Variants in PCDH7 observed in about 807,000 individuals in gnomAD.
PCDH7 encodes protocadherin 7, also known as protocadherin-7.
A neutral mutation model predicts 58.9 loss-of-function variants in PCDH7; 17 were observed. The observed-to-expected ratio is 0.29, with a 90% CI of 0.20 to 0.43. PCDH7 has a LOEUF of 0.43. Among genes scored for constraint, PCDH7 ranks in the 20% least tolerant of loss-of-function variants. The pLI is 1.00. For missense variants in PCDH7, 1,274 were observed against 1,441.0 expected, an observed-to-expected ratio of 0.88 and a Z score of 1.88; for synonymous variants, 664 against 616.4, an observed-to-expected ratio of 1.08 and a Z score of -1.14.
intron 1 of PCDH7, among the ~76,000 whole-genome samples, chr4:30,855,274 T>G (rs1324634688): frequency 1.3e-5 from 2 of 152,150 alleles, no homozygotes; most frequent in African/African-American, 2.4e-5. Flanking sequence ...TGATTTGTCA[T>G]GATCAGAACA....
At chr4:31,005,209 G>T (rs537810832) in intron 3 of PCDH7, among the ~76,000 whole-genome samples, 1 of 152,304 alleles carries the variant, frequency 6.6e-6, no homozygotes, top group Non-Finnish European at 1.5e-5. Flanking sequence ...TTGAGGTTAT[G>T]AGGAACTGAG....
intron 1 of PCDH7, among the ~76,000 whole-genome samples, chr4:30,905,234 C>T (rs1431638023): frequency 1.3e-5 from 2 of 151,984 alleles, no homozygotes; most frequent in African/African-American, 4.8e-5. Flanking sequence ...GTTTTTTGTC[C>T]TTGTTTATTT....
At chr4:31,114,967 G>A (rs1014482778) in intron 3 of PCDH7, among the ~76,000 whole-genome samples, 8 of 152,154 alleles carry the variant, frequency 5.3e-5, no homozygotes, top group African/African-American at 1.7e-4. Context: ...GCTATTCAAC[G>A]CCCTTTGTCT....
intron 1 of PCDH7, among the ~76,000 whole-genome samples, chr4:30,850,940 T>G (rs995905386): frequency 6.6e-6 from 1 of 152,108 alleles, no homozygotes; most frequent in African/African-American, 2.4e-5. Context: ...AGAGAAACAT[T>G]ATGTATGCCT....
At chr4:31,003,679 G>A (rs573170469) in intron 3 of PCDH7, among the ~76,000 whole-genome samples, 6 of 152,064 alleles carry the variant, frequency 3.9e-5, no homozygotes, top group South Asian at 2.1e-4. Flanking sequence ...AGGCAGAGGC[G>A]TGTGGATCAC....
Position 31,092,311 on chromosome 4 carries a change from G to A in PCDH7, c.*8-50162G>A, listed in dbSNP as rs370944138. 1.1e-4 allele frequency among the ~76,000 whole-genome samples: 17 copies of A among 152,090 alleles called. No homozygotes were observed. The South Asian group carries it at 1.9e-3, about 17-fold the overall frequency. ...AATGAAATTCAAAGAACCTGCTAGG[G>A]ATAGACGTTGGGGAAGGAAAAACTG... On this transcript the variant is annotated intron_variant, in intron 3 of 3. Coordinates refer to the PCDH7 transcript ENST00000509759.
intron 3 of PCDH7, among the ~76,000 whole-genome samples, chr4:31,081,497 T>G (rs1759502734): frequency 6.6e-6 from 1 of 152,178 alleles, no homozygotes; most frequent in African/African-American, 2.4e-5. Context: ...GGCCCTTAAA[T>G]TTATTTGCTT....
chr4:30,820,695 A>G (rs1330446370), intron 1 of PCDH7, among the ~76,000 whole-genome samples: 2 of 152,128 alleles, frequency 1.3e-5, no homozygotes, highest in African/African-American at 4.8e-5. Flanking sequence ...GACTATAAAA[A>G]TACAGCTAAT....
intron 1 of PCDH7, among the ~76,000 whole-genome samples, chr4:30,914,622 A>G (rs1200679210): frequency 6.6e-6 from 1 of 152,204 alleles, no homozygotes; most frequent in Non-Finnish European, 1.5e-5. Context: ...TAGAAGCTTT[A>G]CTTGGCCAGC....
At chr4:30,898,723 T>C (rs1181649750) in intron 1 of PCDH7, among the ~76,000 whole-genome samples, 3 of 152,148 alleles carry the variant, frequency 2.0e-5, no homozygotes, top group Non-Finnish European at 4.4e-5. Flanking sequence ...CCCGAGTAGC[T>C]GGGACTACAG....
chr4:31,077,623 T>C (rs1286380912), intron 3 of PCDH7, among the ~76,000 whole-genome samples: 1 of 151,980 alleles, frequency 6.6e-6, no homozygotes, highest in Non-Finnish European at 1.5e-5. Flanking sequence ...GTTTATGAGA[T>C]AGGATGGAAA....
At chr4:30,992,426 T>C (rs28436110) in intron 3 of PCDH7, among the ~76,000 whole-genome samples, 12,139 of 152,122 alleles carry the variant, frequency 0.08, 1,620 homozygotes, top group African/African-American at 0.28. Context: ...CTTATACCGT[T>C]AGGGGGAAAT....
chr4:30,878,284 T>C (rs1736536889), intron 1 of PCDH7, among the ~76,000 whole-genome samples: 1 of 152,112 alleles, frequency 6.6e-6, no homozygotes, highest in African/African-American at 2.4e-5. Flanking sequence ...GGGAGTCCAC[T>C]TCTGGACTGT....
chr4:31,065,438 A>G (rs976165802), intron 3 of PCDH7, among the ~76,000 whole-genome samples: 7 of 152,004 alleles, frequency 4.6e-5, no homozygotes, highest in Non-Finnish European at 8.8e-5. Flanking sequence ...GCAATTTTCA[A>G]CTTTCTTTTC....
At chr4:30,968,284 A>T in intron 3 of PCDH7, among the ~76,000 whole-genome samples, 1 of 92,056 alleles carries the variant, frequency 1.1e-5, no homozygotes, top group African/African-American at 4.6e-5. Flanking sequence ...AAAGAAAAAA[A>T]TTACTCTCTC....
chr4:31,021,480 C>T (rs547952308), intron 3 of PCDH7, among the ~76,000 whole-genome samples: 3 of 152,314 alleles, frequency 2.0e-5, no homozygotes, highest in East Asian at 1.9e-4. Context: ...AATATGCTAA[C>T]TGTTGTAATC....
At chr4:30,948,903 T>C (rs1450407944) in intron 2 of PCDH7, among the ~76,000 whole-genome samples, 1 of 152,164 alleles carries the variant, frequency 6.6e-6, no homozygotes, top group African/African-American at 2.4e-5. Flanking sequence ...ACACCCTGTC[T>C]AAACAGGATT....
intron 2 of PCDH7, among the ~76,000 whole-genome samples, chr4:30,923,378 T>G (rs1244343966): frequency 3.9e-5 from 6 of 152,248 alleles, no homozygotes; most frequent in African/African-American, 1.2e-4. Flanking sequence ...TTAAGTGAAA[T>G]GTACTTACAT....
chr4:31,108,586 C>A (rs1040497310), intron 3 of PCDH7, among the ~76,000 whole-genome samples: 1 of 151,986 alleles, frequency 6.6e-6, no homozygotes, highest in African/African-American at 2.4e-5. Flanking sequence ...GCATAGGCAC[C>A]TATCTCACAG....
Sources: allele counts gnomAD v4.1 joint callset (sites outside exome capture counted in the v4.1 genomes callset), GRCh38; gene constraint gnomAD v4.1.1; transcripts MANE v1.5; gene names NCBI Gene and HGNC (gene_info 2026-07-23, HGNC 2026-07-21).